VPS13A: variants seen among roughly 807,000 people sequenced by gnomAD.
VPS13A encodes the protein vacuolar protein sorting 13 homolog A, also known as intermembrane lipid transfer protein VPS13A.
In VPS13A, 264 loss-of-function variants were observed where a neutral mutation model predicts 390.9. The observed-to-expected ratio is 0.68, with a 90% CI of 0.61 to 0.75. VPS13A has a LOEUF of 0.75. Ranked by LOEUF, VPS13A falls within the 30% of genes least tolerant of loss-of-function variation. The probability of loss-of-function intolerance (pLI) is 0.00; values close to 1 mark genes in which losing one functional copy is unlikely to be tolerated. For missense variants in VPS13A, 3,409 were observed against 3,733.9 expected (o/e 0.91, Z 2.27); for synonymous variants, 1,231 against 1,227.1 (o/e 1.00, Z -0.07).
intron 17 of VPS13A, among the ~76,000 whole-genome samples, chr9:77,230,006 T>C (rs1042968048): frequency 6.6e-6 from 1 of 152,198 alleles, no homozygotes; most frequent in Non-Finnish European, 1.5e-5. Context: ...GATTTGCATT[T>C]TCCTGATGGC....
chr9:77,283,102 A>T (rs140186725), intron 29 of VPS13A, among the ~76,000 whole-genome samples: 1 of 152,192 alleles, frequency 6.6e-6, no homozygotes, highest in African/African-American at 2.4e-5. Flanking sequence ...TTATAGCTAC[A>T]GTGTTTTAGT....
At chr9:77,281,498 C>T (rs1266034865) in intron 27 of VPS13A, among the ~76,000 whole-genome samples, 2 of 151,964 alleles carry the variant, frequency 1.3e-5, no homozygotes, top group African/African-American at 4.8e-5. Flanking sequence ...GTGGACAATT[C>T]TGTCACAAAT....
At chr9:77,365,881 T>C (rs1832400123) in intron 60 of VPS13A, among the ~76,000 whole-genome samples, 1 of 152,076 alleles carries the variant, frequency 6.6e-6, no homozygotes, top group African/African-American at 2.4e-5. Context: ...TTAAAGTAAT[T>C]TATAAAGTAG....
At chr9:77,270,520 G>A (rs1484777285) in intron 23 of VPS13A, among the ~76,000 whole-genome samples, 4 of 152,056 alleles carry the variant, frequency 2.6e-5, no homozygotes, top group Admixed American at 6.6e-5. Flanking sequence ...ATGAAATCCC[G>A]TCTCTACTAA....
At chr9:77,254,093 G>A (rs909688217) in intron 22 of VPS13A, among the ~76,000 whole-genome samples, 9 of 151,430 alleles carry the variant, frequency 5.9e-5, no homozygotes, top group African/African-American at 1.9e-4. Flanking sequence ...ACAGGCGCCC[G>A]CCACCACGCC....
In VPS13A at chr9:77,283,526, G is replaced by C. The variant is rs868246503; in HGVS notation, c.3236-21G>C. 3.1e-6 allele frequency: 5 copies of C among 1,608,668 alleles called. No individual in the cohort carries two copies. In the Middle Eastern group the frequency reaches 6.6e-4, roughly 213 times the overall value. On this transcript the variant is annotated intron_variant, in intron 30 of 71. Coordinates refer to ENST00000360280, the MANE Select transcript of VPS13A (RefSeq NM_033305.3). The stretch of plus-strand genomic sequence containing the variant: ...AAGACATTAAATGAAAGAAAAGGCA[G>C]TCATTCTTTTGTTCCCTTAGGGCTT...
intron 26 of VPS13A, among the ~76,000 whole-genome samples, chr9:77,279,365 G>A (rs534685558): frequency 4.5e-4 from 68 of 152,118 alleles, no homozygotes; most frequent in Non-Finnish European, 6.0e-4. Context: ...GGACGTCCAC[G>A]TCCTTCCTCT....
intron 46 of VPS13A, among the ~76,000 whole-genome samples, chr9:77,332,577 T>C (rs1314340858): frequency 6.6e-6 from 1 of 151,822 alleles, no homozygotes; most frequent in Non-Finnish European, 1.5e-5. Flanking sequence ...GTATATACTA[T>C]ATTAATTTTA....
intron 55 of VPS13A, 22 bp from the exon 56 acceptor site, chr9:77,357,670 T>C (rs1211132762): frequency 6.2e-7 from 1 of 1,611,748 alleles, no homozygotes. Flanking sequence ...AATTTTTTCA[T>C]TTGGGGGGAC....
chr9:77,328,580 A>G (rs1830126230), intron 45 of VPS13A, among the ~76,000 whole-genome samples: 1 of 152,182 alleles, frequency 6.6e-6, no homozygotes, highest in South Asian at 2.1e-4. Flanking sequence ...TAGTGTAGCC[A>G]TCTTCATCAA....
At chr9:77,334,966 A>C (rs1830465584) in intron 46 of VPS13A, among the ~76,000 whole-genome samples, 1 of 152,182 alleles carries the variant, frequency 6.6e-6, no homozygotes, top group African/African-American at 2.4e-5. Context: ...AAGGACATGC[A>C]GAAAAGTGGG....
At chr9:77,226,020 A>C (rs890807692) in intron 14 of VPS13A, 32 bp downstream of exon 14, 2 of 1,553,168 alleles carry the variant, frequency 1.3e-6, no homozygotes, top group African/African-American at 2.7e-5. Context: ...AGTAAAAATA[A>C]TTCTGAATTC....
intron 7 of VPS13A, among the ~76,000 whole-genome samples, chr9:77,210,994 G>A (rs1387001923): frequency 6.6e-6 from 1 of 152,044 alleles, no homozygotes; most frequent in Non-Finnish European, 1.5e-5. Flanking sequence ...CTGAAACTTC[G>A]ATAAGCCTTG....
At position 77,382,042 on chromosome 9, in the gene VPS13A, C is replaced by G. The variant is rs1563978853; in HGVS notation, c.9144C>G (p.Ile3048Met). 1 of 1,608,380 alleles carries G rather than the reference C, an allele frequency of 6.2e-7. No homozygotes were observed. Among genetic ancestry groups the G allele is most frequent in the East Asian group, 2.2e-5 (1 of 44,536 alleles). The part of the protein sequence containing the change: ...PPRFFNEDGV[I>M]RPYRLRDGTG... ...GGTTCTTCAATGAAGATGGAGTTAT[C>G]AGACCGTACAGGTTGAGGGATGGGA... The change falls in exon 68 of 72, where the codon ATC becomes ATG. Residue 3048 changes from isoleucine (I) to methionine (M), a missense_variant. Transcript: ENST00000360280.
intron 14 of VPS13A, among the ~76,000 whole-genome samples, 184 bp from the exon 15 acceptor site, chr9:77,226,282 A>T (rs566110255): frequency 6.6e-6 from 1 of 152,084 alleles, no homozygotes; most frequent in African/African-American, 2.4e-5. Context: ...TGGAAAAACT[A>T]TGTGGTACTC....
Position 77,405,890 on chromosome 9 carries a change from C to T in VPS13A, c.9302C>T (p.Thr3101Ile), listed in dbSNP as rs1270079912. Residue 3101 changes from threonine (T) to isoleucine (I), a missense_variant, in exon 70 of 72, where the codon ACA (threonine) becomes ATA (isoleucine). Physicochemically the swap from Thr to Ile is moderately conservative, Grantham distance 89. This residue lies in a region of VPS13A where 318 missense variants were observed against 333.7 expected (regional missense o/e 0.95). Coordinates refer to ENST00000360280, the MANE Select transcript of VPS13A (RefSeq NM_033305.3). ...GGTGTATTGTTTGTAACAAAGGGAA[C>T]ATTTGGACAACTCACGTGTGAGTGG... ...RRGVLFVTKG[T>I]FGQLTCEWQY... The T allele has an allele frequency of 1.2e-6, 2 of 1,613,752 alleles. No homozygotes were observed. The highest frequency in any genetic ancestry group is 8.5e-7 in the Non-Finnish European group (1 of 1,179,980).
chr9:77,306,356 A>C (rs1249698148), intron 34 of VPS13A, among the ~76,000 whole-genome samples: 1 of 150,396 alleles, frequency 6.6e-6, no homozygotes, highest in African/African-American at 2.5e-5. Context: ...GATCTTTTTT[A>C]CATTATTTCT....
intron 68 of VPS13A, among the ~76,000 whole-genome samples, chr9:77,390,345 A>G (rs1272368962): frequency 6.6e-6 from 1 of 152,158 alleles, no homozygotes; most frequent in African/African-American, 2.4e-5. Flanking sequence ...GGATACAATT[A>G]TCATACCTTA....
Position 77,416,958 on chromosome 9 carries a change from A to G in VPS13A, c.*952A>G, listed in dbSNP as rs191895484. 2 of 152,684 alleles carry G rather than the reference A, an allele frequency of 1.3e-5. No individual in the cohort carries two copies. Among genetic ancestry groups the G allele is most frequent in the East Asian group, 1.9e-4 (1 of 5,184 alleles). The allele number at this position is 152,684 out of a possible 1,614,324, so 9.5% of individuals were successfully genotyped here. On this transcript the variant is annotated 3_prime_UTR_variant, in exon 72 of 72. Transcript: ENST00000360280. ...AACCCAATAACCTGTCCCGTTGCCAATAGATTGAGAATTTCTGGTTTGCTT... is the reference window on the plus strand; with the variant it reads ...AACCCAATAACCTGTCCCGTTGCCAGTAGATTGAGAATTTCTGGTTTGCTT...
Sources: gnomAD v4.1 joint callset for allele counts (sites outside exome capture counted in the v4.1 genomes callset) on GRCh38, gnomAD v4.1.1 for gene constraint, gnomAD v4.1.1 regional missense constraint, MANE v1.5 for transcripts, NCBI Gene and HGNC (gene_info 2026-07-23, HGNC 2026-07-21) for gene names.